Variants in SRSF4 observed in about 807,000 individuals in gnomAD.
The protein encoded by SRSF4 is serine/arginine-rich splicing factor 4.
Under a neutral mutation model 48.8 loss-of-function variants are expected in SRSF4, and 12 were observed. That is an observed-to-expected ratio of 0.25 (90% CI 0.16 to 0.40). The LOEUF (loss-of-function observed/expected upper bound fraction) is 0.40. Among genes scored for constraint, SRSF4 ranks in the 10% least tolerant of loss-of-function variants. SRSF4 has a pLI of 1.00. For synonymous variants in SRSF4, 248 were observed against 232.5 expected, an observed-to-expected ratio of 1.07 and a Z score of -0.61; for missense variants, 466 against 667.1, an observed-to-expected ratio of 0.70 and a Z score of 3.32.
chr1:29,151,872 A>G (rs143686004), intron 4 of SRSF4, among the ~76,000 whole-genome samples: 23 of 152,368 alleles, frequency 1.5e-4, no homozygotes, highest in African/African-American at 4.8e-4. Context: ...ACATACATAC[A>G]AAGAGAGAAA....
intron 1 of SRSF4, among the ~76,000 whole-genome samples, chr1:29,177,704 A>G (rs1008470179): frequency 4.6e-5 from 7 of 152,098 alleles, no homozygotes; most frequent in African/African-American, 1.4e-4. Context: ...CCATCTTTCA[A>G]AAAGTTCTCT....
At chr1:29,156,436 C>T (rs1018717183) in intron 3 of SRSF4, among the ~76,000 whole-genome samples, 2 of 152,044 alleles carry the variant, frequency 1.3e-5, no homozygotes, top group South Asian at 4.1e-4. Context: ...AAATAGCTAA[C>T]ATACATTGTG....
At chr1:29,177,335 G>GC (rs1672885307) in intron 1 of SRSF4, among the ~76,000 whole-genome samples, 1 of 149,934 alleles carries the variant, frequency 6.7e-6, no homozygotes. Context: ...AGGCTGGAGT[G>GC]CAATGGCAGG....
intron 1 of SRSF4, chr1:29,173,130 C>CTTTTTTTTTTTTTT (rs71586892): frequency 2.5e-5 from 2 of 78,556 alleles, no homozygotes; most frequent in African/African-American, 5.1e-5. Context: ...GTCAAAAAGG[C>CTTTTTTTTTTTTTT]TTTTTTTTTT....
At chr1:29,151,321 A>G (rs1441247522) in intron 4 of SRSF4, among the ~76,000 whole-genome samples, 5 of 152,176 alleles carry the variant, frequency 3.3e-5, no homozygotes, top group African/African-American at 1.2e-4. Context: ...TAAATACAGA[A>G]TGTGAGTATT....
intron 1 of SRSF4, among the ~76,000 whole-genome samples, chr1:29,176,704 C>A (rs1672860975): frequency 1.3e-5 from 2 of 152,062 alleles, no homozygotes; most frequent in Non-Finnish European, 1.5e-5. Context: ...ACAACAACGA[C>A]CTGCCTCACT....
In SRSF4 at chr1:29,154,690, C is replaced by T. The variant is rs755599541; in HGVS notation, c.578+6G>A. 8.1e-6 allele frequency: 13 copies of T among 1,613,932 alleles called. No individual in the cohort carries two copies. Among genetic ancestry groups the T allele is most frequent in the Admixed American group, 5.0e-5 (3 of 59,974 alleles). ...AGCTCCAACACACAAAAGACATCAA[C>T]AGTACCTTGAATGACTCCGGCTTCT... is the stretch of plus-strand genomic sequence containing the variant. On this transcript the variant is annotated splice_donor_region_variant and intron_variant, in intron 4 of 5. Coordinates refer to ENST00000373795, the MANE Select transcript of SRSF4 (RefSeq NM_005626.5).
chr1:29,148,420 G>C lies in SRSF4; in HGVS notation c.1475C>G (p.Ser492Ter). The C allele has an allele frequency of 6.3e-7, 1 of 1,598,248 alleles. No homozygotes were observed. The highest frequency in any genetic ancestry group is 1.3e-5 in the African/African-American group (1 of 74,782). Residue 492 changes from serine (S) to a stop codon, truncating the protein, a stop_gained, in exon 6 of 6, where the codon TCA becomes TGA. Coordinates refer to ENST00000373795, the MANE Select transcript of SRSF4 (RefSeq NM_005626.5). LOFTEE classifies it high-confidence loss of function. The stretch of plus-strand genomic sequence containing the variant: ...TGTGGCCATAGCCAGTTAGGACCTT[G>C]AGTGGGACCTAGATCTAGATCGGGA... ...SPSRSRSRSHSRS is the reference protein window; with the variant it reads ...SPSRSRSRSH
rs763691240 is a variant in SRSF4 at position 29,148,801 on chromosome 1, C to T, written c.1094G>A (p.Arg365His). Residue 365 changes from arginine to histidine, a missense_variant, in exon 6 of 6, where the codon CGC becomes CAC. Around this residue, in one of 2 missense-constraint regions of SRSF4, gnomAD observed 402 missense variants for 437.0 expected, o/e 0.92. Coordinates refer to ENST00000373795, the MANE Select transcript of SRSF4 (RefSeq NM_005626.5). ...CTTGCTGCGGCTGCGACTGCGACTG[C>T]GGCTCTCCTCTCTGCTTCTCTTCCT... ...KGRKRSREES[R>H]SRSRSRSKSE... 2.9e-5 allele frequency: 46 copies of T among 1,609,758 alleles called. No homozygotes were observed. Among genetic ancestry groups the T allele is most frequent in the Admixed American group, 1.0e-4 (6 of 59,572 alleles).
chr1:29,148,248 G>A lies in SRSF4; in HGVS notation c.*162C>T. Reference sequence around the variant, plus strand: ...CGAGCAGGAAGGCCTGGTGCCAGGAGGCTTTACTGAGAGGAAGCACTTAGA... The same window carrying A: ...CGAGCAGGAAGGCCTGGTGCCAGGAAGCTTTACTGAGAGGAAGCACTTAGA... On this transcript the variant is annotated 3_prime_UTR_variant, in exon 6 of 6. Transcript: ENST00000373795. The A allele has an allele frequency of 1.9e-6, 2 of 1,040,446 alleles. No homozygotes were observed. The highest frequency in any genetic ancestry group is 2.7e-5 in the South Asian group (2 of 73,896). 64.5% of individuals were successfully genotyped at this position (1,040,446 alleles called of 1,614,324 possible).
At chr1:29,179,381 G>C (rs1329038688) in intron 1 of SRSF4, among the ~76,000 whole-genome samples, 7 of 152,134 alleles carry the variant, frequency 4.6e-5, no homozygotes. Context: ...TTTTATTAGA[G>C]ATGGGGGTCT....
intron 5 of SRSF4, among the ~76,000 whole-genome samples, chr1:29,149,709 AAAG>A (rs1672376408): frequency 6.6e-6 from 1 of 150,448 alleles, no homozygotes; most frequent in Admixed American, 6.6e-5. Flanking sequence ...AAAAAAAGAA[AAAG>A]AAGCTGGAAA....
chr1:29,151,383 G>A (rs1324092323), intron 4 of SRSF4, among the ~76,000 whole-genome samples: 1 of 152,174 alleles, frequency 6.6e-6, no homozygotes, highest in African/African-American at 2.4e-5. Flanking sequence ...TGTAATCCTA[G>A]CTACTTGGGA....
chr1:29,181,631 T>C lies in SRSF4; in HGVS notation c.107+15A>G. 6.3e-7 allele frequency: 1 copy of C among 1,575,920 alleles called. No individual in the cohort carries two copies. The highest frequency in any genetic ancestry group is 1.8e-5 in the Admixed American group (1 of 55,766). On this transcript the variant is annotated intron_variant, in intron 1 of 5. Coordinates refer to ENST00000373795, the MANE Select transcript of SRSF4 (RefSeq NM_005626.5). ...TCTGTCCCCGCCCGGCCGGACCCTC[T>C]TTCGCCCTCCTCACCCGTTCTTCAG...
Position 29,181,716 on chromosome 1 carries a change from C to T in SRSF4, c.37G>A (p.Ala13Thr). ...AAGCGCTCCACATCGCGCTCCCGGG[C>T]CTGGTAGCTCAGGCGGCCGATGTAC... The part of the protein sequence containing the change: ...RVYIGRLSYQ[A>T]RERDVERFFK... The change falls in exon 1 of 6, where the codon GCC becomes ACC. Residue 13 changes from alanine to threonine, a missense_variant. Ala to Thr is a moderately conservative substitution (Grantham distance 58). Transcript: ENST00000373795. 1.3e-6 allele frequency: 2 copies of T among 1,594,490 alleles called. No individual in the cohort carries two copies. The highest frequency in any genetic ancestry group is 1.4e-5 in the African/African-American group (1 of 72,622).
chr1:29,176,096 CA>C, intron 1 of SRSF4, among the ~76,000 whole-genome samples: 1 of 151,826 alleles, frequency 6.6e-6, no homozygotes, highest in East Asian at 1.9e-4. Flanking sequence ...ACTAAAAATA[CA>C]AAAAATTAGC....
intron 1 of SRSF4, among the ~76,000 whole-genome samples, chr1:29,178,994 T>C (rs1672913155): frequency 6.6e-6 from 1 of 152,164 alleles, no homozygotes. Context: ...TTCAATGACA[T>C]TTCATGCATA....
At chr1:29,171,086 A>G (rs1158316504) in intron 1 of SRSF4, 1 of 152,216 alleles carries the variant, frequency 6.6e-6, no homozygotes, top group Non-Finnish European at 1.5e-5. Flanking sequence ...GGCCCTAGGA[A>G]TGACAATAAG....
intron 1 of SRSF4, among the ~76,000 whole-genome samples, chr1:29,161,006 G>A (rs1413850837): frequency 6.6e-6 from 1 of 152,000 alleles, no homozygotes. Flanking sequence ...GTTCCTCTAC[G>A]TAAACACATC....
Sources: allele counts gnomAD v4.1 joint callset (sites outside exome capture counted in the v4.1 genomes callset), GRCh38; gene constraint gnomAD v4.1.1; regional missense constraint gnomAD v4.1.1; transcripts MANE v1.5; gene names NCBI Gene and HGNC (gene_info 2026-07-23, HGNC 2026-07-21).